Variants in SLC9B1 observed in about 807,000 individuals in gnomAD.
SLC9B1 encodes solute carrier family 9 member B1, also known as sodium/hydrogen exchanger 9B1.
SLC9B1 carries 32 observed loss-of-function variants against 51.7 expected under a neutral mutation model. The ratio of observed to expected loss-of-function variants is 0.62; its 90% CI spans 0.47 to 0.83. SLC9B1 has a LOEUF of 0.83. Ranked by LOEUF, SLC9B1 falls within the 40% of genes least tolerant of loss-of-function variation. SLC9B1 has a pLI of 0.00. For synonymous variants in SLC9B1, 145 were observed against 212.7 expected (o/e 0.68, Z 2.77); for missense variants, 406 against 613.2 (o/e 0.66, Z 3.57).
intron 3 of SLC9B1, among the ~76,000 whole-genome samples, chr4:102,982,090 T>C (rs1053847666): frequency 3.9e-5 from 6 of 152,152 alleles, no homozygotes; most frequent in Non-Finnish European, 8.8e-5. Context: ...AAGGTCTATG[T>C]ATAGATTCCT....
Position 102,932,233 on chromosome 4 carries a change from T to C in SLC9B1, c.720A>G (p.Gly240=), listed in dbSNP as rs1320372592. 1 of 1,611,762 alleles carries C rather than the reference T, an allele frequency of 6.2e-7. No individual in the cohort carries two copies. The highest frequency in any genetic ancestry group is 1.3e-5 in the African/African-American group (1 of 74,836). Residue 240 remains glycine (G), a synonymous_variant, in exon 7 of 12, where the codon GGA becomes GGG. Coordinates refer to ENST00000296422, the MANE Select transcript of SLC9B1 (RefSeq NM_139173.4). ...TTGGAATGCCTTCCTCAACACCATA[T>C]CCATTTTCTTGCAGCACCATCATGT... ...VPYMMVLQEN[G]YGVEEGIPTL...
intron 8 of SLC9B1, among the ~76,000 whole-genome samples, chr4:102,910,884 A>G (rs1735305577): frequency 6.6e-6 from 1 of 152,204 alleles, no homozygotes; most frequent in South Asian, 2.1e-4. Flanking sequence ...CTCCAGTTTC[A>G]TATAACATAT....
intron 1 of SLC9B1, among the ~76,000 whole-genome samples, chr4:103,002,617 A>G (rs989610493): frequency 1.3e-5 from 2 of 152,240 alleles, no homozygotes; most frequent in African/African-American, 4.8e-5. Context: ...TAGAAAATAA[A>G]GGATGAATAA....
chr4:102,889,519 C>CTAAA (rs1734122919), intron 11 of SLC9B1: 1 of 152,186 alleles, frequency 6.6e-6, no homozygotes, highest in African/African-American at 2.4e-5. Flanking sequence ...AATGAGGAGA[C>CTAAA]TAAAATGAAT....
In SLC9B1 at chr4:102,891,642, C is replaced by T. The variant is rs534761064; in HGVS notation, c.1333-6314G>A. 5.3e-5 allele frequency: 8 copies of T among 152,206 alleles called. No homozygotes were observed. The South Asian group carries it at 6.2e-4, about 12-fold the overall frequency. 9.4% of individuals were successfully genotyped at this position (152,206 alleles called of 1,614,324 possible). ...TATATGTAAAATATATTGACTTACTCGATGATTGGAGGCTTTATCACAGGA... is the reference window on the plus strand; with the variant it reads ...TATATGTAAAATATATTGACTTACTTGATGATTGGAGGCTTTATCACAGGA... On this transcript the variant is annotated intron_variant, in intron 11 of 11. Coordinates refer to the SLC9B1 transcript ENST00000394789.
At chr4:102,988,444 C>A (rs964283487) in intron 3 of SLC9B1, among the ~76,000 whole-genome samples, 1 of 152,050 alleles carries the variant, frequency 6.6e-6, no homozygotes, top group Admixed American at 6.6e-5. Context: ...TGTTCTATTT[C>A]CTTTTATTAT....
At chr4:103,019,226 G>GT (rs779138789) in intron 1 of SLC9B1, among the ~76,000 whole-genome samples, 45 of 152,244 alleles carry the variant, frequency 3.0e-4, no homozygotes, top group East Asian at 1.7e-3. Flanking sequence ...GCAGGAGCAT[G>GT]TATGTGAAGG....
intron 6 of SLC9B1, among the ~76,000 whole-genome samples, chr4:102,944,922 C>A (rs1737194142): frequency 6.6e-6 from 1 of 152,036 alleles, no homozygotes; most frequent in Non-Finnish European, 1.5e-5. Context: ...TAGATTAAAA[C>A]ATACAGATAT....
chr4:102,998,190 C>T (rs746984725), intron 1 of SLC9B1, among the ~76,000 whole-genome samples: 18 of 152,116 alleles, frequency 1.2e-4, no homozygotes, highest in Non-Finnish European at 1.6e-4. Context: ...CTCCTCCAAT[C>T]CCTGATAGCC....
At chr4:103,002,739 C>A (rs1740591342) in intron 1 of SLC9B1, among the ~76,000 whole-genome samples, 1 of 152,186 alleles carries the variant, frequency 6.6e-6, no homozygotes, top group East Asian at 1.9e-4. Flanking sequence ...CTGAGCAGCC[C>A]TATCCATGGT....
rs530112274 is a variant in SLC9B1, at chr4:102,893,948, A to G, written c.1333-8620T>C. ...AACTATAGACCAATCTGACATACAT[A>G]TGAATGAATATTCTAAATAAAAACC... On this transcript the variant is annotated intron_variant, in intron 11 of 11. Coordinates refer to the SLC9B1 transcript ENST00000394789. 5.3e-5 allele frequency among the ~76,000 whole-genome samples: 8 copies of G among 152,280 alleles called. No individual in the cohort carries two copies. In the South Asian group the frequency reaches 1.7e-3, roughly 32 times the overall value.
At chr4:102,924,999 A>T (rs1379486256) in intron 7 of SLC9B1, among the ~76,000 whole-genome samples, 3 of 152,196 alleles carry the variant, frequency 2.0e-5, no homozygotes, top group African/African-American at 4.8e-5. Context: ...CAGTGTGGCG[A>T]TTCCTCAAGG....
At chr4:102,888,832 T>C (rs1734076479) in intron 11 of SLC9B1, 1 of 152,238 alleles carries the variant, frequency 6.6e-6, no homozygotes, top group African/African-American at 2.4e-5. Flanking sequence ...CTCCCTTCAC[T>C]GAGTGCGTTT....
intron 11 of SLC9B1, among the ~76,000 whole-genome samples, chr4:102,902,912 C>G (rs554817863): frequency 6.6e-6 from 1 of 152,218 alleles, no homozygotes; most frequent in Non-Finnish European, 1.5e-5. Context: ...TTTATGTTAG[C>G]AGCAGAGAAC....
intron 3 of SLC9B1, among the ~76,000 whole-genome samples, chr4:102,964,092 TTCCCAAAATC>T (rs1738290938): frequency 6.6e-6 from 1 of 151,984 alleles, no homozygotes; most frequent in African/African-American, 2.4e-5. Context: ...AAGACACTAA[TTCCCAAAATC>T]AAGAATCAAA....
intron 1 of SLC9B1, 101 bp downstream of exon 1, chr4:103,019,498 G>A (rs2110553857): frequency 1.2e-6 from 1 of 811,472 alleles, no homozygotes; most frequent in Non-Finnish European, 1.5e-6. Flanking sequence ...TGAGGGGGAG[G>A]AAAGGCCCTC....
intron 3 of SLC9B1, among the ~76,000 whole-genome samples, chr4:102,969,280 C>T (rs1738612470): frequency 6.6e-6 from 1 of 152,312 alleles, no homozygotes; most frequent in African/African-American, 2.4e-5. Flanking sequence ...TGATATGAAG[C>T]TTCCAGAGGA....
At position 103,017,627 on chromosome 4, in the gene SLC9B1, A is replaced by G. The variant is rs74731992; in HGVS notation, c.-2+1972T>C. Among the ~76,000 whole-genome samples the G allele has an allele frequency of 9.3e-3, 1,413 of 152,126 alleles. 15 individuals are homozygous for G. Among genetic ancestry groups the G allele is most frequent in the African/African-American group, 0.031 (1,277 of 41,480 alleles). ...TAGTGCGCTGATCCCAAATATTTCC[A>G]TGGTTGGTTTTTAAAAATATCACTA... On this transcript the variant is annotated intron_variant, in intron 1 of 11. Transcript: ENST00000296422.
intron 1 of SLC9B1, among the ~76,000 whole-genome samples, chr4:103,011,740 C>T (rs540346890): frequency 3.6e-4 from 55 of 152,332 alleles, no homozygotes; most frequent in South Asian, 8.3e-4. Context: ...GCTTGAGCCA[C>T]AGCTGGTGTG....
Sources: gnomAD v4.1 joint callset for allele counts (sites outside exome capture counted in the v4.1 genomes callset) on GRCh38, gnomAD v4.1.1 for gene constraint, MANE v1.5 for transcripts, NCBI Gene and HGNC (gene_info 2026-07-23, HGNC 2026-07-21) for gene names.